Variants in WDPCP observed in about 807,000 individuals in gnomAD.
The protein encoded by WDPCP is WD repeat containing planar cell polarity effector.
Under a neutral mutation model 93.1 loss-of-function variants are expected in WDPCP, and 71 were observed. The ratio of observed to expected loss-of-function variants is 0.76; its 90% CI spans 0.63 to 0.93. WDPCP has a LOEUF of 0.93. Among genes scored for constraint, WDPCP ranks in the 40% least tolerant of loss-of-function variants. The pLI is 0.00. For synonymous variants in WDPCP, 315 were observed against 315.0 expected (o/e 1.00, Z 0.00); for missense variants, 844 against 887.4 (o/e 0.95, Z 0.62).
intron 3 of WDPCP, chr2:63,650,654 C>G (rs1335112234): frequency 6.6e-6 from 1 of 152,206 alleles, no homozygotes; most frequent in Non-Finnish European, 1.5e-5. Flanking sequence ...AATTGATGCT[C>G]TTACTTCTTA....
chr2:63,269,721 A>G (rs898373937), intron 13 of WDPCP, among the ~76,000 whole-genome samples: 1 of 152,218 alleles, frequency 6.6e-6, no homozygotes, highest in African/African-American at 2.4e-5. Context: ...TAACAAAGAC[A>G]TGCAACAGCT....
chr2:63,313,381 A>C, intron 12 of WDPCP, 70 bp from the exon 13 acceptor site: 1 of 1,454,716 alleles, frequency 6.9e-7, no homozygotes, highest in Non-Finnish European at 9.5e-7. Context: ...CTGTTTATTT[A>C]ACATATATCT....
intron 2 of WDPCP, among the ~76,000 whole-genome samples, chr2:63,668,380 G>T (rs924929994): frequency 6.6e-6 from 1 of 152,124 alleles, no homozygotes; most frequent in African/African-American, 2.4e-5. Context: ...ATAACCAGCA[G>T]GAAAGTTTTA....
intron 9 of WDPCP, among the ~76,000 whole-genome samples, chr2:63,406,908 TGACAAA>T (rs1424432278): frequency 6.6e-6 from 1 of 152,124 alleles, no homozygotes; most frequent in African/African-American, 2.4e-5. Context: ...AGAAAGAGAA[TGACAAA>T]GACAAAGGGA....
chr2:63,665,460 T>C lies in WDPCP; in HGVS notation n.309-14622A>G, dbSNP rs542525629. On this transcript the variant is annotated intron_variant and non_coding_transcript_variant, in intron 2 of 4. Coordinates refer to the WDPCP transcript ENST00000467687. ...CCTTTTTATAAGGACACCAGTCATA[T>C]TGATATGGGGGTCCACCCTATTCCA... is the stretch of plus-strand genomic sequence containing the variant. Among the ~76,000 whole-genome samples the C allele has an allele frequency of 2.6e-5, 4 of 152,152 alleles. No individual in the cohort carries two copies. In the South Asian group the frequency reaches 8.3e-4, roughly 32 times the overall value.
chr2:63,552,513 A>G (rs985168562), intron 1 of WDPCP, among the ~76,000 whole-genome samples: 2 of 152,206 alleles, frequency 1.3e-5, no homozygotes, highest in Non-Finnish European at 2.9e-5. Context: ...GTATAAACAC[A>G]GTATCTCCTC....
At chr2:63,593,103 T>C (rs1175962050), upstream of WDPCP, 1 of 152,550 alleles carries the variant, frequency 6.6e-6, no homozygotes, top group Non-Finnish European at 1.5e-5. Flanking sequence ...GTTTGTTGTT[T>C]TTTGTTTTTT....
chr2:63,136,811 A>T (rs114235868), intron 17 of WDPCP, among the ~76,000 whole-genome samples: 2,019 of 152,108 alleles, frequency 0.013, 49 homozygotes, highest in African/African-American at 0.047. Context: ...AACATGCAAA[A>T]TTTGATTTTC....
At chr2:63,362,372 G>C (rs981869374) in intron 12 of WDPCP, among the ~76,000 whole-genome samples, 2 of 144,872 alleles carry the variant, frequency 1.4e-5, no homozygotes, top group Non-Finnish European at 3.0e-5. Context: ...GAAATAGAAA[G>C]TAAAACAATA....
chr2:63,517,131 T>G (rs1011248938), intron 1 of WDPCP, among the ~76,000 whole-genome samples: 1 of 152,202 alleles, frequency 6.6e-6, no homozygotes, highest in Non-Finnish European at 1.5e-5. Context: ...GTTTATGCCC[T>G]CATCTTATCT....
chr2:63,485,708 T>C (rs1294397973), intron 4 of WDPCP, among the ~76,000 whole-genome samples: 1 of 151,888 alleles, frequency 6.6e-6, no homozygotes, highest in African/African-American at 2.4e-5. Context: ...AATTTAAAAA[T>C]GTTAAACATG....
At chr2:63,752,435 A>T (rs1371951572) in intron 2 of WDPCP, 1 of 766,964 alleles carries the variant, frequency 1.3e-6, no homozygotes, top group Non-Finnish European at 2.3e-6. Flanking sequence ...GGCTGCATCC[A>T]CCTCCTCCAT....
chr2:63,212,248 A>G (rs1160149182), intron 14 of WDPCP, among the ~76,000 whole-genome samples: 5 of 152,258 alleles, frequency 3.3e-5, no homozygotes, highest in Non-Finnish European at 7.3e-5. Context: ...AGGGAAGCCC[A>G]TCAGACTAAC....
intron 3 of WDPCP, among the ~76,000 whole-genome samples, chr2:63,623,085 C>A (rs1382084053): frequency 6.6e-6 from 1 of 152,218 alleles, no homozygotes. Flanking sequence ...TCCAATCAAA[C>A]TAAGCTTCAT....
chr2:63,473,509 C>T (rs575536025), intron 6 of WDPCP, among the ~76,000 whole-genome samples: 52 of 152,160 alleles, frequency 3.4e-4, no homozygotes, highest in Non-Finnish European at 6.5e-4. Flanking sequence ...ACTTGGTCAT[C>T]CCAATATTTG....
intron 3 of WDPCP, chr2:63,594,242 CA>C: frequency 8.6e-6 from 5 of 583,082 alleles, no homozygotes; most frequent in Non-Finnish European, 9.9e-6. Flanking sequence ...TAAAATATCC[CA>C]AAAAAGGTGG....
chr2:63,323,532 T>G (rs761394841), intron 12 of WDPCP, among the ~76,000 whole-genome samples: 11 of 152,084 alleles, frequency 7.2e-5, no homozygotes, highest in African/African-American at 4.8e-5. Context: ...TTCATATAAG[T>G]AAGGACAAAA....
chr2:63,522,026 A>G (rs1478361017), intron 1 of WDPCP, among the ~76,000 whole-genome samples: 8 of 152,116 alleles, frequency 5.3e-5, no homozygotes, highest in Admixed American at 3.9e-4. Flanking sequence ...GACACAGCCA[A>G]AGCAATTTTT....
At chr2:63,378,585 T>G (rs754463169) in intron 11 of WDPCP, 76 bp from the exon 12 acceptor site, 49 of 1,599,250 alleles carry the variant, frequency 3.1e-5, no homozygotes, top group Non-Finnish European at 4.1e-5. Context: ...ATGTTTGCAG[T>G]CAGTCAGGTT....
Sources: gnomAD v4.1 joint callset for allele counts (sites outside exome capture counted in the v4.1 genomes callset) on GRCh38, gnomAD v4.1.1 for gene constraint, MANE v1.5 for transcripts, NCBI Gene and HGNC (gene_info 2026-07-23, HGNC 2026-07-21) for gene names.